COL1A2: variants seen among roughly 807,000 people sequenced by gnomAD.
The protein encoded by COL1A2 is collagen type I alpha 2 chain.
In COL1A2, 49 loss-of-function variants were observed where a neutral mutation model predicts 174.3. The ratio of observed to expected loss-of-function variants is 0.28; its 90% CI spans 0.22 to 0.36. The LOEUF is 0.36. COL1A2 is among the 10% of genes least tolerant of loss of function. COL1A2 has a pLI of 1.00. For missense variants in COL1A2, 1,438 were observed against 1,822.7 expected, an observed-to-expected ratio of 0.79 and a Z score of 3.84; for synonymous variants, 655 against 606.6, an observed-to-expected ratio of 1.08 and a Z score of -1.17.
chr7:94,411,970 G>T, intron 23 of COL1A2, 98 bp from the exon 24 acceptor site: 1 of 974,222 alleles, frequency 1.0e-6, no homozygotes, highest in Non-Finnish European at 1.6e-6. Context: ...CAAACAAAAA[G>T]TCGGGGGAAA....
intron 5 of COL1A2, among the ~76,000 whole-genome samples, chr7:94,400,585 T>G (rs574443660): frequency 6.6e-6 from 1 of 152,260 alleles, no homozygotes; most frequent in South Asian, 2.1e-4. Flanking sequence ...GGTGTTGCAT[T>G]ATTAAGGATT....
At position 94,428,378 on chromosome 7, in the gene COL1A2, C is replaced by T. The variant is rs1303611357; in HGVS notation, c.3612C>T (p.Ile1204=). 1.9e-6 allele frequency: 3 copies of T among 1,613,920 alleles called. No homozygotes were observed. In the Admixed American group the frequency reaches 5.0e-5, roughly 27 times the overall value. ...YCDFSTGETC[I]RAQPENIPAK... ...ATTTCTCTACTGGCGAAACCTGTATCCGGGCCCAACCTGAAAACATCCCAG... is the reference window on the plus strand; with the variant it reads ...ATTTCTCTACTGGCGAAACCTGTATTCGGGCCCAACCTGAAAACATCCCAG... Residue 1204 remains isoleucine, a synonymous_variant, in exon 50 of 52, where the codon ATC becomes ATT. Coordinates refer to ENST00000297268, the MANE Select transcript of COL1A2 (RefSeq NM_000089.4).
chr7:94,418,993 A>G (rs1179745974), intron 33 of COL1A2, among the ~76,000 whole-genome samples: 1 of 150,464 alleles, frequency 6.6e-6, no homozygotes, highest in Non-Finnish European at 1.5e-5. Flanking sequence ...CCCAAAGATT[A>G]GCTGTTAATG....
At chr7:94,428,219 T>TTCA in intron 49 of COL1A2, 74 bp from the exon 50 acceptor site, 4 of 1,238,678 alleles carry the variant, frequency 3.2e-6, no homozygotes, top group Non-Finnish European at 4.8e-6. Context: ...GTCAGTATCT[T>TTCA]TCATTAGTTA....
rs1470033113 is a variant in COL1A2 at position 94,409,705 on chromosome 7, C to T, written c.937-18C>T. The T allele has an allele frequency of 3.1e-6, 5 of 1,613,896 alleles. No individual in the cohort carries two copies. In the African/African-American group the frequency reaches 4.0e-5, roughly 13 times the overall value. ...CCCATCACCTCCCTAATGGACCACA[C>T]TGCATTTTCCTTCACAGGGCCTTCC... On this transcript the variant is annotated intron_variant, in intron 18 of 51. Coordinates refer to ENST00000297268, the MANE Select transcript of COL1A2 (RefSeq NM_000089.4).
Position 94,420,275 on chromosome 7 carries a change from CG to C in COL1A2, c.2126del (p.Gly709GlufsTer77). ...TGGTCCTGCTGGTCCTGCTGGTCCT[CG>C]GGGAAGCCCTGTAAGTAAGAACCTG... is the stretch of plus-strand genomic sequence containing the variant. ...AAGPAGPAGP[R>X]GSPGERGEVG... On this transcript the variant is annotated frameshift_variant, in exon 35 of 52. Transcript: ENST00000297268. LOFTEE classifies it high-confidence loss of function. The C allele has an allele frequency of 6.2e-7, 1 of 1,613,812 alleles. No individual in the cohort carries two copies. The highest frequency in any genetic ancestry group is 1.1e-5 in the South Asian group (1 of 91,066).
chr7:94,399,703 T>G (rs531171224), intron 4 of COL1A2, among the ~76,000 whole-genome samples: 1 of 152,360 alleles, frequency 6.6e-6, no homozygotes, highest in East Asian at 1.9e-4. Flanking sequence ...AGTTAATTAT[T>G]TTAACAATAC....
chr7:94,397,390 C>T (rs420702), intron 1 of COL1A2, among the ~76,000 whole-genome samples: 22,609 of 152,090 alleles, frequency 0.15, 2,094 homozygotes, highest in Admixed American at 0.29. Flanking sequence ...CCTCATCAAT[C>T]TACTAGTCTT....
intron 38 of COL1A2, 193 bp downstream of exon 38, chr7:94,421,255 A>G: frequency 3.1e-6 from 2 of 651,384 alleles, no homozygotes; most frequent in Non-Finnish European, 5.5e-6. Context: ...TGTTGCTATC[A>G]GCTCACTTGA....
chr7:94,418,409 T>A (rs1371310202), intron 32 of COL1A2, 90 bp from the exon 33 acceptor site: 8 of 1,019,336 alleles, frequency 7.8e-6, no homozygotes, highest in Non-Finnish European at 1.2e-5. Context: ...TATCATAGCA[T>A]CTTCTGTAAA....
intron 40 of COL1A2, chr7:94,424,121 T>C: frequency 1.9e-6 from 1 of 533,282 alleles, no homozygotes; most frequent in Non-Finnish European, 3.4e-6. Flanking sequence ...TGTTGTGCCA[T>C]TGGTCTCAAG....
In COL1A2 at chr7:94,419,510, G is replaced by A. The variant is rs746683077; in HGVS notation, c.2038G>A (p.Ala680Thr). 2 of 1,614,098 alleles carry A rather than the reference G, an allele frequency of 1.2e-6. No individual in the cohort carries two copies. The highest frequency in any genetic ancestry group is 1.7e-6 in the Non-Finnish European group (2 of 1,180,020). ...TTTTTGGTACTAGGGTGCTCCTGGT[G>A]CTGTAGGTGCCCCTGGTCCTGCTGG... The part of the protein sequence containing the change: ...GRDGARGAPG[A>T]VGAPGPAGAT... The change falls in exon 34 of 52, where the codon GCT becomes ACT. Residue 680 changes from alanine (A) to threonine (T), a missense_variant. Physicochemically the swap from Ala to Thr is moderately conservative, Grantham distance 58 (BLOSUM62 0). Coordinates refer to ENST00000297268, the MANE Select transcript of COL1A2 (RefSeq NM_000089.4).
At chr7:94,428,933 G>A (rs1192862762) in intron 50 of COL1A2, among the ~76,000 whole-genome samples, 2 of 152,086 alleles carry the variant, frequency 1.3e-5, no homozygotes, top group Non-Finnish European at 2.9e-5. Flanking sequence ...AGAAGCATAT[G>A]CAAAAAGGAT....
intron 41 of COL1A2, 37 bp downstream of exon 41, chr7:94,424,480 A>C (rs1268244253): frequency 1.3e-6 from 2 of 1,581,200 alleles, no homozygotes; most frequent in Non-Finnish European, 1.7e-6. Flanking sequence ...CATTAACATA[A>C]GAAAAGATTT....
In COL1A2 at chr7:94,409,307, A is replaced by C. The variant is rs1188153194; in HGVS notation, c.793-15A>C. 6.2e-7 allele frequency: 1 copy of C among 1,611,596 alleles called. No individual in the cohort carries two copies. The highest frequency in any genetic ancestry group is 1.3e-5 in the African/African-American group (1 of 75,010). The stretch of plus-strand genomic sequence containing the variant: ...TATTTGCTGGTTAATTCCTTGGTTT[A>C]ATTTCCTCTTTTAGGGTGAAATTGG... On this transcript the variant is annotated splice_polypyrimidine_tract_variant and intron_variant, in intron 16 of 51. Coordinates refer to ENST00000297268, the MANE Select transcript of COL1A2 (RefSeq NM_000089.4).
chr7:94,397,708 C>T (rs1425406385), intron 1 of COL1A2, 40 bp from the exon 2 acceptor site: 2 of 1,131,994 alleles, frequency 1.8e-6, no homozygotes, highest in African/African-American at 3.1e-5. Context: ...TGAAGTGATA[C>T]TAATAATTGT....
At chr7:94,427,543 A>G in intron 48 of COL1A2, 84 bp from the exon 49 acceptor site, 1 of 1,480,966 alleles carries the variant, frequency 6.8e-7, no homozygotes, top group Non-Finnish European at 9.4e-7. Flanking sequence ...TTCCGTGTGA[A>G]GCTCAACTGA....
At chr7:94,414,768 T>G (rs932105253) in intron 29 of COL1A2, among the ~76,000 whole-genome samples, 1 of 152,202 alleles carries the variant, frequency 6.6e-6, no homozygotes, top group African/African-American at 2.4e-5. Context: ...CCTGGTCTCC[T>G]TTGTCAACAG....
chr7:94,395,985 C>G (rs906886315), intron 1 of COL1A2, among the ~76,000 whole-genome samples: 2 of 152,120 alleles, frequency 1.3e-5, no homozygotes, highest in African/African-American at 2.4e-5. Context: ...AGATGAGACT[C>G]AAGAGACCGG....
Sources: gnomAD v4.1 joint callset for allele counts (sites outside exome capture counted in the v4.1 genomes callset) on GRCh38, gnomAD v4.1.1 for gene constraint, MANE v1.5 for transcripts, NCBI Gene and HGNC (gene_info 2026-07-23, HGNC 2026-07-21) for gene names.